SLC30A10: variants seen among roughly 807,000 people sequenced by gnomAD.
SLC30A10 encodes calcium/manganese antiporter SLC30A10.
In SLC30A10, 8 loss-of-function variants were observed where a neutral mutation model predicts 21.7. That is an observed-to-expected ratio of 0.37 (90% CI 0.22 to 0.67). SLC30A10 has a LOEUF of 0.67. Among genes scored for constraint, SLC30A10 ranks in the 30% least tolerant of loss-of-function variants. SLC30A10 has a pLI of 0.58. For synonymous variants in SLC30A10, 272 were observed against 279.4 expected (o/e 0.97, Z 0.26); for missense variants, 521 against 642.5 (o/e 0.81, Z 2.04).
chr1:219,924,000 G>T (rs1240752087), intron 2 of SLC30A10, among the ~76,000 whole-genome samples: 3 of 152,228 alleles, frequency 2.0e-5, no homozygotes, highest in Non-Finnish European at 4.4e-5. Context: ...GAGGCAGTTT[G>T]TGGTGAGTCA....
At chr1:219,920,819 C>CTGTA (rs1380734867) in intron 2 of SLC30A10, among the ~76,000 whole-genome samples, 2 of 152,182 alleles carry the variant, frequency 1.3e-5, no homozygotes. Context: ...ACGTGACAGG[C>CTGTA]AGCTGTAAGC....
At chr1:219,955,552 T>C (rs1258413681) in intron 1 of SLC30A10, among the ~76,000 whole-genome samples, 2 of 152,194 alleles carry the variant, frequency 1.3e-5, no homozygotes, top group East Asian at 1.9e-4. Flanking sequence ...TACCTATATA[T>C]AGTTTGTTCT....
intron 2 of SLC30A10, among the ~76,000 whole-genome samples, chr1:219,924,118 G>A (rs769792423): frequency 4.3e-4 from 65 of 152,304 alleles, no homozygotes; most frequent in Non-Finnish European, 7.9e-4. Context: ...ATTGGAATAA[G>A]AGAAACAGTA....
intron 2 of SLC30A10, among the ~76,000 whole-genome samples, chr1:219,921,946 C>CGAGAGAGAGAGA (rs1229324513): frequency 2.9e-4 from 21 of 72,666 alleles, no homozygotes; most frequent in African/African-American, 1.2e-3. Context: ...AGAGAGAGAC[C>CGAGAGAGAGAGA]GAGAGAGAGA....
At chr1:219,922,176 GTTTTTTTTTTTTTTT>G (rs869249213) in intron 2 of SLC30A10, among the ~76,000 whole-genome samples, 5 of 36,406 alleles carry the variant, frequency 1.4e-4, no homozygotes, top group African/African-American at 4.5e-4. Context: ...GTGTGTGTGT[GTTTTTTTTTTTTTTT>G]TTTTTTTTTT....
At chr1:219,932,590 C>T (rs1293396898), upstream of SLC30A10, among the ~76,000 whole-genome samples, 1 of 151,162 alleles carries the variant, frequency 6.6e-6, no homozygotes, top group Non-Finnish European at 1.5e-5. Context: ...ATAATGTGTA[C>T]GTCTGTAACC....
At chr1:219,922,179 T>G (rs1163339324) in intron 2 of SLC30A10, among the ~76,000 whole-genome samples, 25 of 14,208 alleles carry the variant, frequency 1.8e-3, no homozygotes, top group African/African-American at 2.0e-3. Context: ...TGTGTGTGTT[T>G]TTTTTTTTTT....
At chr1:219,951,537 T>G (rs1293033572) in intron 1 of SLC30A10, among the ~76,000 whole-genome samples, 1 of 151,244 alleles carries the variant, frequency 6.6e-6, no homozygotes, top group African/African-American at 2.4e-5. Flanking sequence ...CTGGCTAACA[T>G]GGTGAAACCC....
intron 1 of SLC30A10, among the ~76,000 whole-genome samples, chr1:219,947,676 G>C (rs1660208372): frequency 6.6e-6 from 1 of 152,048 alleles, no homozygotes; most frequent in Non-Finnish European, 1.5e-5. Context: ...AATGAGGCCA[G>C]GTGTGGTGGC....
intron 1 of SLC30A10, among the ~76,000 whole-genome samples, chr1:219,934,120 G>A (rs1176787855): frequency 1.3e-5 from 2 of 152,158 alleles, no homozygotes; most frequent in East Asian, 3.9e-4. Context: ...AACCTCGTCT[G>A]TACTAAAAAT....
At position 219,918,427 on chromosome 1, in the gene SLC30A10, G is replaced by T; in HGVS notation, c.786C>A (p.Phe262Leu). 6.2e-7 allele frequency: 1 copy of T among 1,614,018 alleles called. No individual in the cohort carries two copies. Among genetic ancestry groups the T allele is most frequent in the Non-Finnish European group, 8.5e-7 (1 of 1,179,980 alleles). ...SVVVVITAII[F>L]YVLPLKSEDP... ...CCTCACTCTTCAGGGGAAGCACATA[G>T]AATATGATGGCCGTGATGACCACAA... The change falls in exon 3 of 4, where the codon TTC (phenylalanine) becomes TTA (leucine). Residue 262 changes from phenylalanine (F) to leucine (L), a missense_variant. By Grantham distance (22) the Phe-to-Leu change is conservative. Transcript: ENST00000366926. The surrounding 1 kb of genome is among the most constrained non-coding windows in gnomAD (Gnocchi z 4.4).
chr1:219,940,773 G>C (rs1331648551), intron 1 of SLC30A10, among the ~76,000 whole-genome samples: 1 of 152,194 alleles, frequency 6.6e-6, no homozygotes, highest in Non-Finnish European at 1.5e-5. Flanking sequence ...TACTGAATGG[G>C]ATCTAGGCAG....
At chr1:219,941,149 G>A (rs1403287251) in intron 1 of SLC30A10, among the ~76,000 whole-genome samples, 3 of 152,192 alleles carry the variant, frequency 2.0e-5, no homozygotes, top group East Asian at 1.9e-4. Flanking sequence ...AATAAAACAC[G>A]AGAAGCACGT....
At chr1:219,937,869 G>A (rs1660068087) in intron 1 of SLC30A10, among the ~76,000 whole-genome samples, 1 of 152,058 alleles carries the variant, frequency 6.6e-6, no homozygotes, top group African/African-American at 2.4e-5. Flanking sequence ...GCTCACTGAT[G>A]GTTTTCAGTG....
chr1:219,939,750 A>G (rs552546484), intron 1 of SLC30A10, among the ~76,000 whole-genome samples: 18 of 152,114 alleles, frequency 1.2e-4, no homozygotes, highest in African/African-American at 3.9e-4. Context: ...TACTTCACAG[A>G]TCTCCAAATC....
rs1553311742 is a variant in SLC30A10 at position 219,911,149 on chromosome 1, G to GTCTTTTTTTTTTTTTTTTTTTTTTTT, written c.*4299_*4300insAAAAAAAAAAAAAAAAAAAAAAAAGA. On this transcript the variant is annotated 3_prime_UTR_variant, in exon 4 of 4. Transcript: ENST00000366926. The stretch of plus-strand genomic sequence containing the variant: ...ATGTTTCTTCATTTTTTCTACATCA[G>GTCTTTTTTTTTTTTTTTTTTTTTTTT]TTTTTTTTTTTTTTTTTTTTTTTTT... 2.0e-5 allele frequency among the ~76,000 whole-genome samples: 1 copy of GTCTTTTTTTTTTTTTTTTTTTTTTTT among 49,400 alleles called. No homozygotes were observed. Among genetic ancestry groups the GTCTTTTTTTTTTTTTTTTTTTTTTTT allele is most frequent in the Non-Finnish European group, 4.5e-5 (1 of 22,434 alleles). The allele number at this position is 49,400 out of a possible 152,430, so 32.4% of individuals were successfully genotyped here. A position where few individuals can be genotyped will look rare whatever the true frequency, so the allele number is the denominator to read the frequency against.
rs1361304777 is a variant in SLC30A10 at position 219,911,154 on chromosome 1, T to TTTTTTGTTTTG, written c.*4294_*4295insCAAAACAAAAA. Among the ~76,000 whole-genome samples the TTTTTTGTTTTG allele has an allele frequency of 4.7e-5, 5 of 107,190 alleles. No homozygotes were observed. The highest frequency in any genetic ancestry group is 2.4e-4 in the East Asian group (1 of 4,180). 70.3% of individuals were successfully genotyped at this position (107,190 alleles called of 152,430 possible). A position where few individuals can be genotyped will look rare whatever the true frequency, so the allele number is the denominator to read the frequency against. On this transcript the variant is annotated 3_prime_UTR_variant, in exon 4 of 4. Transcript: ENST00000366926. ...TCTTCATTTTTTCTACATCAGTTTT[T>TTTTTTGTTTTG]TTTTTTTTTTTTTTTTTTTTGCAGT...
chr1:219,943,668 C>A (rs1198034411), intron 1 of SLC30A10, among the ~76,000 whole-genome samples: 1 of 152,088 alleles, frequency 6.6e-6, no homozygotes, highest in African/African-American at 2.4e-5. Flanking sequence ...AAGTAGACAT[C>A]ATACAAATGC....
chr1:219,916,241 T>C (rs897027224), intron 3 of SLC30A10, among the ~76,000 whole-genome samples: 3 of 152,154 alleles, frequency 2.0e-5, no homozygotes, highest in African/African-American at 7.2e-5. Context: ...GAACTTCCCA[T>C]AGTAGGATAA....
Sources: allele counts gnomAD v4.1 joint callset (sites outside exome capture counted in the v4.1 genomes callset), GRCh38; gene constraint gnomAD v4.1.1; non-coding constraint Gnocchi (gnomAD v3.1); transcripts MANE v1.5; gene names NCBI Gene and HGNC (gene_info 2026-07-23, HGNC 2026-07-21).